Variants in FBXL17 observed in about 807,000 individuals in gnomAD.
The protein encoded by FBXL17 is F-box/LRR-repeat protein 17.
Under a neutral mutation model 66.2 loss-of-function variants are expected in FBXL17, and 22 were observed. That is an observed-to-expected ratio of 0.33 (90% CI 0.24 to 0.47). The LOEUF (loss-of-function observed/expected upper bound fraction) is 0.47. Ranked by LOEUF, FBXL17 falls within the 20% of genes least tolerant of loss-of-function variation. The probability of loss-of-function intolerance (pLI) is 1.00; values close to 1 mark genes in which losing one functional copy is unlikely to be tolerated. For missense variants in FBXL17, 878 were observed against 948.2 expected (o/e 0.93, Z 0.97); for synonymous variants, 474 against 400.5 (o/e 1.18, Z -2.19).
chr5:108,154,672 T>G (rs1751920660), intron 6 of FBXL17, among the ~76,000 whole-genome samples: 1 of 143,664 alleles, frequency 7.0e-6, no homozygotes, highest in South Asian at 2.2e-4. Context: ...CATATATATG[T>G]GTATATATAT....
intron 8 of FBXL17, chr5:107,880,576 CGAATGGCCAGAATACATA>C (rs1748755838): frequency 9.7e-7 from 1 of 1,025,914 alleles, no homozygotes. Flanking sequence ...TTGTTGGTCC[CGAATGGCCAGAATACATA>C]GATGTTCAGT....
chr5:108,054,417 G>A (rs1333517390), intron 6 of FBXL17, among the ~76,000 whole-genome samples: 1 of 152,026 alleles, frequency 6.6e-6, no homozygotes, highest in Non-Finnish European at 1.5e-5. Flanking sequence ...TGGAAGTCAG[G>A]CTCCTTATAG....
chr5:108,000,031 T>C (rs1753655675), intron 7 of FBXL17, among the ~76,000 whole-genome samples: 1 of 152,234 alleles, frequency 6.6e-6, no homozygotes, highest in Non-Finnish European at 1.5e-5. Flanking sequence ...GTTATGTGAA[T>C]GAGTTTTACT....
At chr5:108,197,608 T>A (rs1020179597) in intron 5 of FBXL17, among the ~76,000 whole-genome samples, 4 of 152,222 alleles carry the variant, frequency 2.6e-5, no homozygotes, top group Admixed American at 2.6e-4. Context: ...CCAAGTGACC[T>A]GTACACTGGC....
intron 1 of FBXL17, among the ~76,000 whole-genome samples, chr5:108,370,679 G>A (rs1748972303): frequency 6.6e-6 from 1 of 151,648 alleles, no homozygotes; most frequent in South Asian, 2.1e-4. Context: ...GAAGGCGAAG[G>A]TTGCAGTAAG....
At chr5:108,130,080 T>C (rs556006451) in intron 6 of FBXL17, among the ~76,000 whole-genome samples, 1 of 152,032 alleles carries the variant, frequency 6.6e-6, no homozygotes, top group South Asian at 2.1e-4. Flanking sequence ...CTTTTATTTT[T>C]AATGTTTCCT....
At chr5:108,088,330 T>A (rs1402046112) in intron 6 of FBXL17, among the ~76,000 whole-genome samples, 2 of 152,202 alleles carry the variant, frequency 1.3e-5, no homozygotes, top group African/African-American at 4.8e-5. Flanking sequence ...TTCATCAATC[T>A]CTTTTTGTTG....
At chr5:107,906,759 A>C (rs1348256412) in intron 7 of FBXL17, among the ~76,000 whole-genome samples, 1 of 152,200 alleles carries the variant, frequency 6.6e-6, no homozygotes, top group Non-Finnish European at 1.5e-5. Context: ...TAGTAAACTA[A>C]AGTAACCAAA....
intron 5 of FBXL17, among the ~76,000 whole-genome samples, chr5:108,209,736 A>G (rs1218302718): frequency 6.6e-6 from 1 of 152,170 alleles, no homozygotes; most frequent in Non-Finnish European, 1.5e-5. Flanking sequence ...GGATTTTCGA[A>G]TCAATGTTAA....
chr5:108,348,425 T>C lies in FBXL17; in HGVS notation c.1480A>G (p.Arg494Gly). 1 of 1,613,574 alleles carries C rather than the reference T, an allele frequency of 6.2e-7. No individual in the cohort carries two copies. Among genetic ancestry groups the C allele is most frequent in the Non-Finnish European group, 8.5e-7 (1 of 1,179,620 alleles). Residue 494 changes from arginine (R) to glycine (G), a missense_variant, in exon 4 of 9, where the codon AGG becomes GGG. By Grantham distance (125) the Arg-to-Gly change is moderately radical. This residue lies in a region of FBXL17 where 236 missense variants were observed against 389.1 expected (regional missense o/e 0.61). Coordinates refer to ENST00000542267, the MANE Select transcript of FBXL17 (RefSeq NM_001163315.3). ...VIAKGCLKLQ[R>G]IYMQENKLVT... ...AATTTGTTTTCCTGCATGTATATCC[T>C]TTGTAATTTCAGACAGCCCTTAGCT...
At chr5:107,914,247 C>G (rs1488464915) in intron 7 of FBXL17, among the ~76,000 whole-genome samples, 1 of 152,032 alleles carries the variant, frequency 6.6e-6, no homozygotes, top group Non-Finnish European at 1.5e-5. Flanking sequence ...GAAAACTCTC[C>G]TTTATGTACT....
intron 4 of FBXL17, among the ~76,000 whole-genome samples, chr5:108,342,343 T>C (rs1561540368): frequency 6.6e-6 from 1 of 152,172 alleles, no homozygotes; most frequent in Non-Finnish European, 1.5e-5. Flanking sequence ...AGATTAACAC[T>C]AAATACTAGC....
At chr5:108,150,410 C>A (rs1384415231) in intron 6 of FBXL17, among the ~76,000 whole-genome samples, 18 of 152,114 alleles carry the variant, frequency 1.2e-4, no homozygotes, top group Non-Finnish European at 4.4e-5. Context: ...CCCTACGGTG[C>A]CCAGGCTGAT....
intron 7 of FBXL17, among the ~76,000 whole-genome samples, chr5:107,913,802 G>C (rs1023819209): frequency 6.6e-6 from 1 of 152,084 alleles, no homozygotes; most frequent in African/African-American, 2.4e-5. Context: ...AAAACTATCA[G>C]CTGTGGGTGA....
At chr5:108,009,811 T>C (rs1388201205) in intron 7 of FBXL17, among the ~76,000 whole-genome samples, 3 of 152,194 alleles carry the variant, frequency 2.0e-5, no homozygotes, top group Non-Finnish European at 4.4e-5. Flanking sequence ...AGTGAAATCA[T>C]CAATCTGTCT....
chr5:108,082,576 T>C (rs1056623785), intron 6 of FBXL17, among the ~76,000 whole-genome samples: 32 of 152,316 alleles, frequency 2.1e-4, no homozygotes, highest in African/African-American at 7.2e-4. Flanking sequence ...CAGGCTCTTC[T>C]GTTTTTTCAA....
intron 4 of FBXL17, among the ~76,000 whole-genome samples, chr5:108,236,640 C>A (rs1179178902): frequency 6.6e-6 from 1 of 152,172 alleles, no homozygotes; most frequent in African/African-American, 2.4e-5. Flanking sequence ...ACTAATCTCA[C>A]TTGAGACCTC....
chr5:108,225,517 A>C (rs1157844588), intron 4 of FBXL17, among the ~76,000 whole-genome samples: 1 of 152,172 alleles, frequency 6.6e-6, no homozygotes, highest in Admixed American at 6.5e-5. Context: ...TGAAGACTGG[A>C]GTTATGCTGC....
At chr5:108,194,994 T>C (rs1217531212) in intron 5 of FBXL17, among the ~76,000 whole-genome samples, 2 of 152,216 alleles carry the variant, frequency 1.3e-5, no homozygotes, top group Non-Finnish European at 2.9e-5. Context: ...TTAGTCTCTT[T>C]AATCACTTAA....
Sources: allele counts gnomAD v4.1 joint callset (sites outside exome capture counted in the v4.1 genomes callset), GRCh38; gene constraint gnomAD v4.1.1; regional missense constraint gnomAD v4.1.1; transcripts MANE v1.5; gene names NCBI Gene and HGNC (gene_info 2026-07-23, HGNC 2026-07-21).